Variants in ESYT2 observed in about 807,000 individuals in gnomAD.
ESYT2 encodes the protein extended synaptotagmin-2.
A neutral mutation model predicts 107.2 loss-of-function variants in ESYT2; 54 were observed. The ratio of observed to expected loss-of-function variants is 0.50; its 90% CI spans 0.40 to 0.63. ESYT2 has a LOEUF of 0.63. ESYT2 is among the 30% of genes least tolerant of loss of function. ESYT2 has a pLI of 0.00. For missense variants in ESYT2, 1,020 were observed against 1,094.5 expected (o/e 0.93, Z 0.96); for synonymous variants, 491 against 434.1 (o/e 1.13, Z -1.63).
chr7:158,800,770 C>T lies in ESYT2; in HGVS notation c.331-1698G>A, dbSNP rs1839617612. Reference sequence around the variant, plus strand: ...TTGAGACAGACTCTCCCTCTGTCATCGACGCTGGAGTGCAGTGGCACGATC... The same window carrying T: ...TTGAGACAGACTCTCCCTCTGTCATTGACGCTGGAGTGCAGTGGCACGATC... On this transcript the variant is annotated intron_variant, in intron 1 of 22. Transcript: ENST00000275418. Among the ~76,000 whole-genome samples the T allele has an allele frequency of 3.4e-5, 5 of 148,818 alleles. No homozygotes were observed. In the South Asian group the frequency reaches 8.5e-4, roughly 25 times the overall value.
At chr7:158,817,592 C>CCACCTTTCTG (rs71302083) in intron 1 of ESYT2, among the ~76,000 whole-genome samples, 2 of 152,256 alleles carry the variant, frequency 1.3e-5, no homozygotes, top group African/African-American at 2.4e-5. Flanking sequence ...TCCAGGTGTC[C>CCACCTTTCTG]AACCTTTCTG....
intron 6 of ESYT2, among the ~76,000 whole-genome samples, chr7:158,780,195 G>A (rs565689855): frequency 6.6e-5 from 10 of 152,212 alleles, no homozygotes; most frequent in Middle Eastern, 3.4e-3. Flanking sequence ...CCAGTAACAC[G>A]GGAACAATCC....
chr7:158,766,168 C>CAA (rs974927908), intron 8 of ESYT2, among the ~76,000 whole-genome samples: 1 of 142,118 alleles, frequency 7.0e-6, no homozygotes, highest in African/African-American at 2.6e-5. Context: ...GACTCCATCT[C>CAA]AAAAAAAAAA....
chr7:158,764,740 G>T lies in ESYT2; in HGVS notation c.1038C>A (p.Asn346Lys). 3 of 1,614,134 alleles carry T rather than the reference G, an allele frequency of 1.9e-6. No homozygotes were observed. The highest frequency in any genetic ancestry group is 2.5e-6 in the Non-Finnish European group (3 of 1,180,030). ...SDPYGIIRVG[N>K]QIFQSRVIKE... is the part of the protein sequence containing the mutation. ...TGATGACTCTGCTTTGGAAGATTTGGTTGCCAACTCTAATGATTCCATAGG... is the reference window on the plus strand; with the variant it reads ...TGATGACTCTGCTTTGGAAGATTTGTTTGCCAACTCTAATGATTCCATAGG... Residue 346 changes from asparagine (N) to lysine (K), a missense_variant, in exon 9 of 23, where the codon AAC (asparagine) becomes AAA (lysine). Transcript: ENST00000275418.
intron 19 of ESYT2, 94 bp from the exon 20 acceptor site, chr7:158,737,273 T>C: frequency 2.1e-6 from 3 of 1,462,504 alleles, no homozygotes; most frequent in South Asian, 1.3e-5. Context: ...TTTGATTTCA[T>C]GTTTATCTAC....
In ESYT2 at chr7:158,764,940, G is replaced by C. The variant is rs577888824; in HGVS notation, c.925-87C>G. On this transcript the variant is annotated intron_variant, in intron 8 of 22. Transcript: ENST00000275418. Reference sequence around the variant, plus strand: ...ATAGCTACGCACCTAACCCCGTCTCGAGAATTGGGAGTGCCGAGGGAATAA... The same window carrying C: ...ATAGCTACGCACCTAACCCCGTCTCCAGAATTGGGAGTGCCGAGGGAATAA... 2.1e-5 allele frequency: 28 copies of C among 1,314,106 alleles called. No individual in the cohort carries two copies. In the South Asian group the frequency reaches 3.7e-4, roughly 17 times the overall value. The allele number at this position is 1,314,106 out of a possible 1,614,324, so 81.4% of individuals were successfully genotyped here. A position where few individuals can be genotyped will look rare whatever the true frequency, so the allele number is the denominator to read the frequency against.
At chr7:158,737,256 A>G in intron 19 of ESYT2, 77 bp from the exon 20 acceptor site, 1 of 1,511,140 alleles carries the variant, frequency 6.6e-7, no homozygotes, top group Non-Finnish European at 9.0e-7. Flanking sequence ...GATATGCTTT[A>G]TCAAGCTTTG....
In ESYT2 at chr7:158,829,232, C is replaced by T; in HGVS notation, c.187G>A (p.Val63Ile). 1 of 1,529,370 alleles carries T rather than the reference C, an allele frequency of 6.5e-7. No homozygotes were observed. The highest frequency in any genetic ancestry group is 1.2e-5 in the South Asian group (1 of 83,804). The allele number at this position is 1,529,370 out of a possible 1,614,324, so 94.7% of individuals were successfully genotyped here. Reference protein sequence around the residue: ...LGYLGLSFSWVLLALALLAWC... With the variant: ...LGYLGLSFSWILLALALLAWC... ...GCGAGCAGCGCGAGCGCGAGGAGAA[C>T]CCAGCTGAAGCTGAGCCCCAGGTAG... Residue 63 changes from valine to isoleucine, a missense_variant, in exon 1 of 23, where the codon GTT becomes ATT. By Grantham distance (29) the Val-to-Ile change is conservative. Coordinates refer to ENST00000275418, the MANE Select transcript of ESYT2 (RefSeq NM_001367773.1).
At chr7:158,782,084 C>G (rs1013055888) in intron 6 of ESYT2, among the ~76,000 whole-genome samples, 7 of 149,740 alleles carry the variant, frequency 4.7e-5, no homozygotes, top group African/African-American at 1.5e-4. Flanking sequence ...TATGTAAGAA[C>G]AAATGTGAGT....
At position 158,736,310 on chromosome 7, in the gene ESYT2, T is replaced by C. The variant is rs556987326; in HGVS notation, c.2400-702A>G. Reference sequence around the variant, plus strand: ...ATGAAAGTACAATGAATGAGGAGGATGTTTAAAGATGAAACGTAAACTGAA... The same window carrying C: ...ATGAAAGTACAATGAATGAGGAGGACGTTTAAAGATGAAACGTAAACTGAA... On this transcript the variant is annotated intron_variant, in intron 20 of 22. Transcript: ENST00000275418. Among the ~76,000 whole-genome samples, 8 of 152,344 alleles carry C rather than the reference T, an allele frequency of 5.3e-5. 1 individual carries two copies. Among genetic ancestry groups the C allele is most frequent in the African/African-American group, 1.7e-4 (7 of 41,586 alleles).
intron 6 of ESYT2, among the ~76,000 whole-genome samples, chr7:158,784,596 G>A (rs1163674653): frequency 2.0e-5 from 3 of 152,218 alleles, no homozygotes; most frequent in Admixed American, 6.5e-5. Flanking sequence ...GAGTCACGAA[G>A]GCTTTCGAAT....
intron 13 of ESYT2, among the ~76,000 whole-genome samples, chr7:158,755,805 C>T (rs906026345): frequency 4.6e-5 from 7 of 151,924 alleles, no homozygotes; most frequent in African/African-American, 1.5e-4. Context: ...GGCAAAATGC[C>T]TGTTCTTCCA....
intron 11 of ESYT2, 62 bp from the exon 12 acceptor site, chr7:158,760,209 C>T: frequency 6.8e-7 from 1 of 1,469,814 alleles, no homozygotes; most frequent in Admixed American, 1.7e-5. Flanking sequence ...CCAAATTAAA[C>T]CCAGTCTCTA....
intron 9 of ESYT2, among the ~76,000 whole-genome samples, chr7:158,764,002 G>C (rs1351155329): frequency 6.6e-6 from 1 of 152,146 alleles, no homozygotes; most frequent in East Asian, 1.9e-4. Context: ...CTACACATAC[G>C]TCAGTCCTTT....
At chr7:158,805,692 T>TA (rs1839805516) in intron 1 of ESYT2, among the ~76,000 whole-genome samples, 1 of 152,224 alleles carries the variant, frequency 6.6e-6, no homozygotes, top group Non-Finnish European at 1.5e-5. Context: ...TGACACTGCT[T>TA]AAAAATCCAT....
chr7:158,811,173 A>T lies in ESYT2; in HGVS notation c.331-12101T>A, dbSNP rs75267052. 9.0e-3 allele frequency among the ~76,000 whole-genome samples: 1,362 copies of T among 151,934 alleles called. 8 individuals carry two copies. The highest frequency in any genetic ancestry group is 0.013 in the Non-Finnish European group (902 of 68,018). On this transcript the variant is annotated intron_variant, in intron 1 of 22. Transcript: ENST00000275418. The stretch of plus-strand genomic sequence containing the variant: ...CACTGTCTCTTAAAAAATAAAAAAT[A>T]AAAAATTAAAATTAAGAAAAAAGAA...
chr7:158,752,646 G>C (rs1302406615), intron 14 of ESYT2, 135 bp downstream of exon 14: 1 of 432,736 alleles, frequency 2.3e-6, no homozygotes, highest in African/African-American at 2.1e-5. Flanking sequence ...GATAACAAAA[G>C]TAGGGTCTCT....
chr7:158,794,273 G>A (rs1839394927), intron 3 of ESYT2, among the ~76,000 whole-genome samples: 1 of 152,210 alleles, frequency 6.6e-6, no homozygotes, highest in Non-Finnish European at 1.5e-5. Context: ...GCAGAGGACT[G>A]CTTGAAGCCA....
At chr7:158,745,581 C>G (rs1178871008) in intron 16 of ESYT2, among the ~76,000 whole-genome samples, 1 of 152,110 alleles carries the variant, frequency 6.6e-6, no homozygotes, top group African/African-American at 2.4e-5. Context: ...TGTCCCAGGA[C>G]AGGCAGTGCT....
Sources: gnomAD v4.1 joint callset for allele counts (sites outside exome capture counted in the v4.1 genomes callset) on GRCh38, gnomAD v4.1.1 for gene constraint, MANE v1.5 for transcripts, NCBI Gene and HGNC (gene_info 2026-07-23, HGNC 2026-07-21) for gene names.